CEACAM19: variants seen among roughly 807,000 people sequenced by gnomAD.
The protein encoded by CEACAM19 is cell adhesion molecule CEACAM19.
Under a neutral mutation model 37.6 loss-of-function variants are expected in CEACAM19, and 37 were observed. The observed-to-expected ratio is 0.98, with a 90% CI of 0.76 to 1.29. The LOEUF (loss-of-function observed/expected upper bound fraction) is 1.29, where lower values mean the gene tolerates loss of function less well. Ranked by LOEUF, CEACAM19 falls within the 50% of genes most tolerant of loss-of-function variation. The pLI is 0.00. For synonymous variants in CEACAM19, 140 were observed against 149.8 expected, an observed-to-expected ratio of 0.93 and a Z score of 0.48; for missense variants, 340 against 375.6, an observed-to-expected ratio of 0.91 and a Z score of 0.78.
chr19:44,679,960 G>T (rs1974025363), intron 4 of CEACAM19, among the ~76,000 whole-genome samples: 1 of 151,968 alleles, frequency 6.6e-6, no homozygotes, highest in South Asian at 2.1e-4. Context: ...ATAAATAAGG[G>T]TATTCAAATG....
In CEACAM19 at chr19:44,683,505, G is replaced by C. The variant is rs1376427859; in HGVS notation, c.*15G>C. The C allele has an allele frequency of 3.3e-6, 5 of 1,515,954 alleles. No homozygotes were observed. Among genetic ancestry groups the C allele is most frequent in the Middle Eastern group, 1.8e-4 (1 of 5,584 alleles). The allele number at this position is 1,515,954 out of a possible 1,614,324, so 93.9% of individuals were successfully genotyped here. On this transcript the variant is annotated 3_prime_UTR_variant, in exon 8 of 8. Coordinates refer to ENST00000358777, the MANE Select transcript of CEACAM19 (RefSeq NM_001127893.3). ...CAACTTCCTGATGGGTCCTGGGCCA[G>C]GCCAGCCAGGGAGAAGACAAGGCCC...
rs1014774711 is a variant in CEACAM19, at chr19:44,683,449, C to A, written c.859C>A (p.Pro287Thr). 1.3e-6 allele frequency: 2 copies of A among 1,562,270 alleles called. No individual in the cohort carries two copies. Among genetic ancestry groups the A allele is most frequent in the East Asian group, 2.4e-5 (1 of 42,132 alleles). Residue 287 changes from proline to threonine, a missense_variant, in exon 8 of 8, where the codon CCC (proline) becomes ACC (threonine). By Grantham distance (38) the Pro-to-Thr change is conservative. Coordinates refer to ENST00000358777, the MANE Select transcript of CEACAM19 (RefSeq NM_001127893.3). The part of the protein sequence containing the change: ...ENHQYQDLLN[P>T]DPAPYCQLVP... ...TCCCCCCAAGCAGGACCTGCTAAAC[C>A]CCGACCCTGCCCCCTACTGCCAGCT...
chr19:44,674,861 T>G (rs1973918645), intron 2 of CEACAM19, among the ~76,000 whole-genome samples: 1 of 152,194 alleles, frequency 6.6e-6, no homozygotes, highest in East Asian at 1.9e-4. Context: ...AGTCCTTACT[T>G]CACTTGTGGA....
chr19:44,681,288 C>A lies in CEACAM19; in HGVS notation c.768C>A (p.Asp256Glu), dbSNP rs748440471. Residue 256 changes from aspartate (D) to glutamate (E), a missense_variant, in exon 6 of 8, where the codon GAC becomes GAA. Coordinates refer to ENST00000358777, the MANE Select transcript of CEACAM19 (RefSeq NM_001127893.3). ...SPVLLVSPISDTRSINPARPL... is the reference protein window; with the variant it reads ...SPVLLVSPISETRSINPARPL... ...TCCTCCTGGTGTCCCCCATCAGTGA[C>A]ACAAGGTCCATAAACCCAGCCCGGG... 6.2e-7 allele frequency: 1 copy of A among 1,614,024 alleles called. No homozygotes were observed. The highest frequency in any genetic ancestry group is 8.5e-7 in the Non-Finnish European group (1 of 1,179,952).
chr19:44,678,766 T>A, intron 3 of CEACAM19, 87 bp from the exon 4 acceptor site: 324 of 1,285,586 alleles, frequency 2.5e-4, no homozygotes, highest in Middle Eastern at 6.1e-4. Flanking sequence ...CCCCTCTCCA[T>A]TTTCCTTCAT....
At chr19:44,674,743 A>C (rs2122131629) in intron 2 of CEACAM19, among the ~76,000 whole-genome samples, 1 of 152,312 alleles carries the variant, frequency 6.6e-6, no homozygotes, top group Non-Finnish European at 1.5e-5. Context: ...AGTGAATAGA[A>C]AAAATTTTAC....
intron 7 of CEACAM19, chr19:44,683,168 A>T: frequency 5.1e-6 from 2 of 393,998 alleles, no homozygotes; most frequent in Non-Finnish European, 9.1e-6. Flanking sequence ...ATCTCTTTAC[A>T]TGTCTTCGTT....
chr19:44,680,384 C>T (rs1473044177), intron 5 of CEACAM19, 50 bp downstream of exon 5: 4 of 1,500,338 alleles, frequency 2.7e-6, no homozygotes, highest in Non-Finnish European at 2.8e-6. Context: ...CTCAGCTCCT[C>T]CTTTCTCCCC....
intron 5 of CEACAM19, among the ~76,000 whole-genome samples, chr19:44,680,936 TTAGGC>T (rs1437064590): frequency 1.3e-5 from 2 of 151,970 alleles, no homozygotes; most frequent in Non-Finnish European, 2.9e-5. Flanking sequence ...CCTAGGCTAC[TTAGGC>T]ACCCCGTCTT....
chr19:44,675,803 A>G (rs1321909655), intron 2 of CEACAM19, among the ~76,000 whole-genome samples: 1 of 151,778 alleles, frequency 6.6e-6, no homozygotes, highest in Non-Finnish European at 1.5e-5. Flanking sequence ...GAAAAAAAAA[A>G]ATCAGTTTGA....
rs746004125 is a variant in CEACAM19, at chr19:44,672,810, T to C, written c.270T>C (p.Asp90=). The C allele has an allele frequency of 1.3e-6, 2 of 1,597,008 alleles. No homozygotes were observed. The highest frequency in any genetic ancestry group is 2.3e-5 in the South Asian group (2 of 88,492). Residue 90 remains aspartate (D), a synonymous_variant, in exon 2 of 8, where the codon GAT becomes GAC. Transcript: ENST00000358777. ...CTGGGATACAACGGCCTCAGAGGGA[T>C]GGCAGTGCCATGGGACAGCGAGACA... ...YIPGIQRPQR[D]GSAMGQRDIV...
chr19:44,676,351 G>T lies in CEACAM19; in HGVS notation c.505G>T (p.Ala169Ser), dbSNP rs1159532958. Residue 169 changes from alanine to serine, a missense_variant, in exon 3 of 8, where the codon GCC (alanine) becomes TCC (serine). Ala to Ser is a moderately conservative substitution (Grantham distance 99). Coordinates refer to ENST00000358777, the MANE Select transcript of CEACAM19 (RefSeq NM_001127893.3). The part of the protein sequence containing the change: ...LAATIIGSLA[A>S]GALLISCIAY... ...GGCCACCATCATTGGATCTCTTGCTGCCGGGGCCCTTCTCATCAGCTGCAT... is the reference window on the plus strand; with the variant it reads ...GGCCACCATCATTGGATCTCTTGCTTCCGGGGCCCTTCTCATCAGCTGCAT... 1.2e-6 allele frequency: 2 copies of T among 1,614,090 alleles called. No homozygotes were observed. Among genetic ancestry groups the T allele is most frequent in the South Asian group, 2.2e-5 (2 of 91,076 alleles).
intron 2 of CEACAM19, among the ~76,000 whole-genome samples, chr19:44,675,095 A>AGTGTGTGTGTGTGTGT (rs1267485271): frequency 9.1e-6 from 1 of 109,638 alleles, no homozygotes; most frequent in Non-Finnish European, 1.9e-5. Context: ...TTCAGAGAAC[A>AGTGTGTGTGTGTGTGT]GCGTGTGTGT....
At chr19:44,680,927 C>T (rs1440935294) in intron 5 of CEACAM19, among the ~76,000 whole-genome samples, 1 of 152,014 alleles carries the variant, frequency 6.6e-6, no homozygotes, top group Non-Finnish European at 1.5e-5. Context: ...TCACTGAGTC[C>T]TAGGCTACTT....
At chr19:44,666,485 C>T (rs113574426), upstream of CEACAM19, among the ~76,000 whole-genome samples, 10 of 152,306 alleles carry the variant, frequency 6.6e-5, no homozygotes, top group African/African-American at 2.4e-4. Context: ...GCCTGGCCAA[C>T]ATGGTGAAAC....
intron 5 of CEACAM19, among the ~76,000 whole-genome samples, chr19:44,680,994 A>C (rs1314966715): frequency 6.8e-6 from 1 of 146,354 alleles, no homozygotes; most frequent in Non-Finnish European, 1.5e-5. Context: ...AGCCCTAAAC[A>C]CTCCAGGTTG....
rs1175065145 is a variant in CEACAM19, at chr19:44,671,955, G to A, written c.24G>A (p.Gln8=). The A allele has an allele frequency of 5.6e-6, 9 of 1,606,900 alleles. No homozygotes were observed. Among genetic ancestry groups the A allele is most frequent in the Non-Finnish European group, 7.6e-6 (9 of 1,176,984 alleles). ...AGATGGAGATTCCCATGGGGACCCA[G>A]GGCTGCTTCTCAAAGAGCCTCCTGC... MEIPMGT[Q]GCFSKSLLLS... Residue 8 remains glutamine (Q), a synonymous_variant, in exon 1 of 8, where the codon CAG becomes CAA. Transcript: ENST00000358777.
chr19:44,672,513 C>G, intron 1 of CEACAM19, 83 bp from the exon 2 acceptor site: 1 of 1,356,706 alleles, frequency 7.4e-7, no homozygotes, highest in South Asian at 2.1e-5. Flanking sequence ...TTGCTCCCCG[C>G]TGAAGATCTG....
At chr19:44,668,205 A>ATATTTATATAATATTTATATAT (rs1973775297), upstream of CEACAM19, among the ~76,000 whole-genome samples, 2 of 85,312 alleles carry the variant, frequency 2.3e-5, no homozygotes, top group African/African-American at 9.5e-5. Context: ...TATATTATAT[A>ATATTTATATAATATTTATATAT]TATATTTATA....
Sources: gnomAD v4.1 joint callset for allele counts (sites outside exome capture counted in the v4.1 genomes callset) on GRCh38, gnomAD v4.1.1 for gene constraint, MANE v1.5 for transcripts, NCBI Gene and HGNC (gene_info 2026-07-23, HGNC 2026-07-21) for gene names.